The following CALCRL variants were observed in gnomAD, a reference collection of about 807,000 sequenced individuals.
The protein encoded by CALCRL is calcitonin gene-related peptide type 1 receptor.
A neutral mutation model predicts 60.4 loss-of-function variants in CALCRL; 27 were observed. That is an observed-to-expected ratio of 0.45 (90% CI 0.33 to 0.62). The LOEUF is 0.62. Among genes scored for constraint, CALCRL ranks in the 20% least tolerant of loss-of-function variants. CALCRL has a pLI of 0.03. For synonymous variants in CALCRL, 190 were observed against 182.6 expected, an observed-to-expected ratio of 1.04 and a Z score of -0.33; for missense variants, 424 against 540.7, an observed-to-expected ratio of 0.78 and a Z score of 2.14.
In CALCRL at chr2:187,378,046, AAAGAAGAAC is replaced by A. The variant is rs1687836497; in HGVS notation, c.500+885_500+893del. Among the ~76,000 whole-genome samples, 9 of 151,620 alleles carry A rather than the reference AAAGAAGAAC, an allele frequency of 5.9e-5. No individual in the cohort carries two copies. The South Asian group carries it at 1.9e-3, about 32-fold the overall frequency. On this transcript the variant is annotated intron_variant, in intron 8 of 14. Transcript: ENST00000392370. ...AAGAGAAGAGGAGGAGGAGGAGGAAAAAGAAGAACAAGAAGAAGGAGAAGGAGAAGAAGA... is the reference window on the plus strand; with the variant it reads ...AAGAGAAGAGGAGGAGGAGGAGGAAAAAGAAGAAGGAGAAGGAGAAGAAGA...
chr2:187,350,973 A>G (rs962283163), intron 14 of CALCRL, among the ~76,000 whole-genome samples: 22 of 151,752 alleles, frequency 1.4e-4, no homozygotes, highest in African/African-American at 5.1e-4. Flanking sequence ...TTACTGAGCT[A>G]TAACACATTT....
At chr2:187,407,773 A>C (rs1253889344) in intron 1 of CALCRL, among the ~76,000 whole-genome samples, 1 of 152,232 alleles carries the variant, frequency 6.6e-6, no homozygotes, top group East Asian at 1.9e-4. Context: ...ATTGCATTTA[A>C]AAAATTCAAA....
Position 187,371,356 on chromosome 2 carries a change from C to T in CALCRL, c.500+7584G>A, listed in dbSNP as rs965548655. ...AACAAATTTACAATGAATAAATGGA[C>T]GTACCGTGAGTTAAGAGAGCAAGGG... On this transcript the variant is annotated intron_variant, in intron 8 of 14. Transcript: ENST00000392370. Among the ~76,000 whole-genome samples, 3 of 151,988 alleles carry T rather than the reference C, an allele frequency of 2.0e-5. No homozygotes were observed. The East Asian group carries it at 5.8e-4, about 29-fold the overall frequency.
intron 1 of CALCRL, among the ~76,000 whole-genome samples, chr2:187,411,245 A>C (rs1050533166): frequency 1.3e-5 from 2 of 151,904 alleles, no homozygotes; most frequent in Non-Finnish European, 2.9e-5. Flanking sequence ...AAAAGTTGTA[A>C]TAACTTAACA....
rs559410918 is a variant in CALCRL at position 187,363,310 on chromosome 2, A to G, written c.627+66T>C. 2.1e-4 allele frequency: 311 copies of G among 1,495,280 alleles called. No individual in the cohort carries two copies. The Middle Eastern group carries it at 3.4e-3, about 16-fold the overall frequency. The allele number at this position is 1,495,280 out of a possible 1,614,324, so 92.6% of individuals were successfully genotyped here. Reference sequence around the variant, plus strand: ...GTACTTAATTATACACATTATGCATATATCAGCCATGTTCCCCCTTTCCCA... The same window carrying G: ...GTACTTAATTATACACATTATGCATGTATCAGCCATGTTCCCCCTTTCCCA... On this transcript the variant is annotated intron_variant, in intron 9 of 14. Coordinates refer to ENST00000392370, the MANE Select transcript of CALCRL (RefSeq NM_005795.6).
At chr2:187,409,764 C>T (rs1316778342) in intron 1 of CALCRL, among the ~76,000 whole-genome samples, 3 of 152,228 alleles carry the variant, frequency 2.0e-5, no homozygotes, top group East Asian at 1.9e-4. Flanking sequence ...AAGGATGGTT[C>T]CCCAGAGGAA....
In CALCRL at chr2:187,360,770, C is replaced by A. The variant is rs565176916; in HGVS notation, c.628-19G>T. On this transcript the variant is annotated intron_variant, in intron 9 of 14. Coordinates refer to ENST00000392370, the MANE Select transcript of CALCRL (RefSeq NM_005795.6). ...AACTAACCTGTGAGGAAAAAAAAAA[C>A]CCCAATATTTACTTGTTTATGAATT... 1.7e-4 allele frequency: 269 copies of A among 1,560,116 alleles called. 1 individual carries two copies. Among genetic ancestry groups the A allele is most frequent in the South Asian group, 7.9e-4 (66 of 83,286 alleles).
chr2:187,363,237 G>T, intron 9 of CALCRL, 139 bp downstream of exon 9: 1 of 752,280 alleles, frequency 1.3e-6, no homozygotes, highest in Non-Finnish European at 1.9e-6. Context: ...AAGATATAAA[G>T]ACTTGAAAAT....
chr2:187,409,190 T>C (rs1689255766), intron 1 of CALCRL, among the ~76,000 whole-genome samples: 1 of 152,284 alleles, frequency 6.6e-6, no homozygotes, highest in South Asian at 2.1e-4. Flanking sequence ...GTTTACAACA[T>C]CAAGTCATTT....
chr2:187,444,288 T>C (rs553081747), intron 1 of CALCRL, among the ~76,000 whole-genome samples: 8 of 151,678 alleles, frequency 5.3e-5, no homozygotes, highest in African/African-American at 1.9e-4. Flanking sequence ...TGTCTGAAAA[T>C]TGGGCTCCAT....
At chr2:187,438,043 A>G (rs13019491) in intron 1 of CALCRL, among the ~76,000 whole-genome samples, 42,874 of 152,106 alleles carry the variant, frequency 0.28, 6,216 homozygotes, top group Middle Eastern at 0.33. Context: ...ATTTGAACTC[A>G]GAAGAAAGAA....
At chr2:187,348,403 A>G (rs1045694448) in intron 14 of CALCRL, among the ~76,000 whole-genome samples, 1 of 151,694 alleles carries the variant, frequency 6.6e-6, no homozygotes, top group African/African-American at 2.4e-5. Flanking sequence ...TGTAATCAAT[A>G]TAGTTTCTGG....
At position 187,415,329 on chromosome 2, in the gene CALCRL, C is replaced by T. The variant is rs575309736; in HGVS notation, c.-292-27573G>A. 1.2e-4 allele frequency among the ~76,000 whole-genome samples: 18 copies of T among 152,250 alleles called. No homozygotes were observed. The South Asian group carries it at 3.5e-3, about 30-fold the overall frequency. The stretch of plus-strand genomic sequence containing the variant: ...AAAGAACATTAGCGAATAGTGAGCA[C>T]AGCCAAGGCAATTCACAAAATGTGT... On this transcript the variant is annotated intron_variant, in intron 1 of 14. Coordinates refer to ENST00000392370, the MANE Select transcript of CALCRL (RefSeq NM_005795.6).
At chr2:187,386,490 G>T (rs529712861) in intron 3 of CALCRL, among the ~76,000 whole-genome samples, 2 of 152,062 alleles carry the variant, frequency 1.3e-5, no homozygotes, top group Non-Finnish European at 2.9e-5. Flanking sequence ...TTCAAATAAG[G>T]TTTCAGGGAG....
intron 8 of CALCRL, among the ~76,000 whole-genome samples, chr2:187,375,931 T>C (rs2105769022): frequency 6.6e-6 from 1 of 152,312 alleles, no homozygotes; most frequent in South Asian, 2.1e-4. Flanking sequence ...TTGAACATGA[T>C]TTTATTCCAA....
chr2:187,439,903 C>T (rs1011200642), intron 1 of CALCRL, among the ~76,000 whole-genome samples: 2 of 152,074 alleles, frequency 1.3e-5, no homozygotes, highest in African/African-American at 4.8e-5. Flanking sequence ...ACATTTAAAG[C>T]TGGAATACAA....
chr2:187,363,355 G>A (rs908138967), intron 9 of CALCRL, 21 bp downstream of exon 9: 6 of 1,600,684 alleles, frequency 3.7e-6, no homozygotes, highest in Non-Finnish European at 4.3e-6. Context: ...TGAACCAAGG[G>A]CACAATCTTG....
At chr2:187,391,804 G>A (rs1275178855) in intron 1 of CALCRL, among the ~76,000 whole-genome samples, 1 of 151,884 alleles carries the variant, frequency 6.6e-6, no homozygotes, top group Non-Finnish European at 1.5e-5. Context: ...AAAGAACTGT[G>A]AAAAATAAAA....
intron 1 of CALCRL, among the ~76,000 whole-genome samples, chr2:187,419,274 G>A (rs1470955147): frequency 1.3e-5 from 2 of 152,018 alleles, no homozygotes; most frequent in East Asian, 3.9e-4. Context: ...AGTGATTACG[G>A]TTAATGAAGT....
Sources: gnomAD v4.1 joint callset for allele counts (sites outside exome capture counted in the v4.1 genomes callset) on GRCh38, gnomAD v4.1.1 for gene constraint, MANE v1.5 for transcripts, NCBI Gene and HGNC (gene_info 2026-07-23, HGNC 2026-07-21) for gene names.